PRKG1: variants seen among roughly 807,000 people sequenced by gnomAD.
PRKG1 encodes cGMP-dependent protein kinase 1.
PRKG1 carries 35 observed loss-of-function variants against 88.1 expected under a neutral mutation model. That is an observed-to-expected ratio of 0.40 (90% CI 0.30 to 0.53). The LOEUF (loss-of-function observed/expected upper bound fraction) is 0.53, where lower values mean the gene tolerates loss of function less well. Among genes scored for constraint, PRKG1 ranks in the 20% least tolerant of loss-of-function variants. The pLI is 0.59. For missense variants in PRKG1, 540 were observed against 839.8 expected (o/e 0.64, Z 4.41); for synonymous variants, 303 against 292.5 (o/e 1.04, Z -0.37).
chr10:51,256,811 T>C (rs1254909292), intron 2 of PRKG1, among the ~76,000 whole-genome samples: 1 of 152,070 alleles, frequency 6.6e-6, no homozygotes, highest in Non-Finnish European at 1.5e-5. Context: ...TGGTAGAGAC[T>C]GTCCAGTCTG....
intron 2 of PRKG1, among the ~76,000 whole-genome samples, chr10:51,449,991 A>G (rs1023375724): frequency 2.6e-5 from 4 of 151,940 alleles, no homozygotes; most frequent in Admixed American, 2.6e-4. Context: ...GGGCATTAAT[A>G]CCATTTAGAG....
intron 7 of PRKG1, among the ~76,000 whole-genome samples, chr10:52,113,412 A>G (rs1357632798): frequency 1.3e-5 from 2 of 152,130 alleles, no homozygotes; most frequent in Non-Finnish European, 2.9e-5. Context: ...GGATAAATAA[A>G]AAAAGAACAG....
At chr10:51,421,185 T>G (rs1838407251) in intron 2 of PRKG1, among the ~76,000 whole-genome samples, 1 of 152,092 alleles carries the variant, frequency 6.6e-6, no homozygotes, top group African/African-American at 2.4e-5. Context: ...TGTTTGTTTG[T>G]TTTAGAAACA....
At chr10:51,264,106 A>G (rs1311986799) in intron 2 of PRKG1, among the ~76,000 whole-genome samples, 1 of 152,228 alleles carries the variant, frequency 6.6e-6, no homozygotes, top group African/African-American at 2.4e-5. Flanking sequence ...GGAAAGACGA[A>G]TATTATCAAT....
chr10:51,653,715 T>C lies in PRKG1; in HGVS notation c.593-150870T>C, dbSNP rs533982981. ...CCAAGTAGCTGGGACTACAGGCATG[T>C]ATCACCATGCCTGGCTAATTTTTTG... On this transcript the variant is annotated intron_variant, in intron 3 of 17. Coordinates refer to ENST00000373980, the MANE Select transcript of PRKG1 (RefSeq NM_006258.4). Among the ~76,000 whole-genome samples the C allele has an allele frequency of 7.0e-4, 107 of 152,050 alleles. 2 individuals carry two copies. The South Asian group carries it at 0.021, about 30-fold the overall frequency.
chr10:51,819,048 A>G (rs1839673639), intron 4 of PRKG1, among the ~76,000 whole-genome samples: 1 of 136,036 alleles, frequency 7.4e-6, no homozygotes, highest in Non-Finnish European at 1.6e-5. Context: ...AAAAAAGAAT[A>G]CCAGAGGCTG....
At chr10:51,940,722 C>G (rs1272968744) in intron 5 of PRKG1, among the ~76,000 whole-genome samples, 1 of 151,850 alleles carries the variant, frequency 6.6e-6, no homozygotes, top group Non-Finnish European at 1.5e-5. Flanking sequence ...CACCACTTCT[C>G]TTCAACTTTG....
intron 1 of PRKG1, among the ~76,000 whole-genome samples, chr10:51,088,823 T>A (rs537720986): frequency 1.3e-5 from 2 of 151,888 alleles, no homozygotes; most frequent in South Asian, 4.2e-4. Context: ...TTTTTTTTTT[T>A]TTTGTCAAAT....
intron 3 of PRKG1, among the ~76,000 whole-genome samples, chr10:51,680,287 TAA>T (rs142604843): frequency 3.2e-4 from 47 of 144,928 alleles, no homozygotes; most frequent in African/African-American, 9.9e-4. Flanking sequence ...TAAAGTATAA[TAA>T]AAAAAAAAAA....
At chr10:51,889,234 G>A (rs1422319121) in intron 4 of PRKG1, among the ~76,000 whole-genome samples, 6 of 111,742 alleles carry the variant, frequency 5.4e-5, no homozygotes, top group Admixed American at 1.3e-4. Context: ...AACAGGCCCC[G>A]GTGTGTGATG....
At chr10:52,195,580 G>A (rs912143766) in intron 9 of PRKG1, among the ~76,000 whole-genome samples, 1 of 152,002 alleles carries the variant, frequency 6.6e-6, no homozygotes, top group African/African-American at 2.4e-5. Flanking sequence ...AAACACAAGC[G>A]TGTTTTTAAA....
chr10:51,434,664 C>T (rs965667286), intron 2 of PRKG1, among the ~76,000 whole-genome samples: 1 of 152,034 alleles, frequency 6.6e-6, no homozygotes, highest in Admixed American at 6.6e-5. Context: ...TCAGTGCATA[C>T]GGTATTTTCA....
At chr10:51,651,603 T>A in intron 3 of PRKG1, among the ~76,000 whole-genome samples, 1 of 151,856 alleles carries the variant, frequency 6.6e-6, no homozygotes, top group Non-Finnish European at 1.5e-5. Context: ...TTTTTTAATT[T>A]AGTCAGAGTT....
intron 2 of PRKG1, among the ~76,000 whole-genome samples, chr10:51,386,899 C>T (rs569775115): frequency 1.3e-5 from 2 of 152,238 alleles, no homozygotes; most frequent in East Asian, 3.9e-4. Flanking sequence ...TATCAATTCA[C>T]CTCTTTCTTA....
intron 3 of PRKG1, among the ~76,000 whole-genome samples, chr10:51,715,906 C>T (rs1236971343): frequency 6.6e-6 from 1 of 152,212 alleles, no homozygotes; most frequent in Non-Finnish European, 1.5e-5. Context: ...CCTTTCCAAG[C>T]TTGTCATTAG....
At chr10:52,114,021 A>G (rs1219342475) in intron 7 of PRKG1, among the ~76,000 whole-genome samples, 1 of 152,114 alleles carries the variant, frequency 6.6e-6, no homozygotes, top group Non-Finnish European at 1.5e-5. Context: ...CTTTCTTCAG[A>G]TACAGAAGCA....
At chr10:51,325,555 G>A (rs990466579) in intron 2 of PRKG1, among the ~76,000 whole-genome samples, 10 of 152,096 alleles carry the variant, frequency 6.6e-5, no homozygotes, top group Non-Finnish European at 1.2e-4. Context: ...TATATTCTTC[G>A]ATACTGTAGG....
At chr10:52,184,072 C>T (rs1224237724) in intron 9 of PRKG1, among the ~76,000 whole-genome samples, 1 of 152,160 alleles carries the variant, frequency 6.6e-6, no homozygotes, top group Non-Finnish European at 1.5e-5. Context: ...AGTGCATTCC[C>T]TTTGACACTC....
chr10:51,449,912 ACTT>A (rs1400875488), intron 2 of PRKG1, among the ~76,000 whole-genome samples: 2 of 151,862 alleles, frequency 1.3e-5, no homozygotes, highest in African/African-American at 2.4e-5. Flanking sequence ...TCAGATGAAA[ACTT>A]CTTATTTGTT....
Sources: allele counts gnomAD v4.1 joint callset (sites outside exome capture counted in the v4.1 genomes callset), GRCh38; gene constraint gnomAD v4.1.1; transcripts MANE v1.5; gene names NCBI Gene and HGNC (gene_info 2026-07-23, HGNC 2026-07-21).